Variants in LDLRAD4 observed in about 807,000 individuals in gnomAD.
LDLRAD4 encodes the protein low-density lipoprotein receptor class A domain-containing protein 4.
A neutral mutation model predicts 17.0 loss-of-function variants in LDLRAD4; 5 were observed. The ratio of observed to expected loss-of-function variants is 0.29; its 90% confidence interval spans 0.15 to 0.62. The LOEUF (loss-of-function observed/expected upper bound fraction) is 0.62, where lower values mean the gene tolerates loss of function less well. LDLRAD4 is among the 20% of genes least tolerant of loss of function. The pLI, the probability that LDLRAD4 is intolerant of heterozygous loss-of-function variation, is 0.84. For synonymous variants in LDLRAD4, 168 were observed against 171.8 expected (o/e 0.98, Z 0.17); for missense variants, 340 against 424.7 (o/e 0.80, Z 1.75).
At position 13,367,599 on chromosome 18, in the gene LDLRAD4, A is replaced by C. The variant is rs1484973231; in HGVS notation, c.-382-19742A>C. Among the ~76,000 whole-genome samples the C allele has an allele frequency of 6.6e-6, 1 of 152,124 alleles. No homozygotes were observed. Among genetic ancestry groups the C allele is most frequent in the East Asian group, 1.9e-4 (1 of 5,184 alleles). ...CGAGTGGACAGAGGGTCTGCAGGCC[A>C]CTCAGTGGCTGAGAGGGTGGGCAAG... is the stretch of plus-strand genomic sequence containing the variant. On this transcript the variant is annotated intron_variant, in intron 1 of 5. Coordinates refer to ENST00000359446, the Ensembl canonical transcript of LDLRAD4. This position sits in a 1 kb window ranked among gnomAD's most constrained non-coding sequence, Gnocchi z 4.1.
intron 4 of LDLRAD4, among the ~76,000 whole-genome samples, chr18:13,623,349 A>G (rs1424476673): frequency 6.6e-6 from 1 of 152,232 alleles, no homozygotes; most frequent in Non-Finnish European, 1.5e-5. Context: ...ACAGTGGTCC[A>G]CATCCCTGTC....
chr18:13,553,087 G>T (rs1385692099), intron 3 of LDLRAD4, among the ~76,000 whole-genome samples: 1 of 152,198 alleles, frequency 6.6e-6, no homozygotes, highest in Non-Finnish European at 1.5e-5. Flanking sequence ...TGACATTCTA[G>T]TTGAGACTAA....
intron 1 of LDLRAD4, among the ~76,000 whole-genome samples, chr18:13,242,370 G>A (rs2042704981): frequency 6.6e-6 from 1 of 152,214 alleles, no homozygotes; most frequent in Non-Finnish European, 1.5e-5. Flanking sequence ...CTGGTACTTT[G>A]GTTTCAGGCC....
intron 3 of LDLRAD4, chr18:13,470,961 T>G (rs2092756132): frequency 1.3e-5 from 2 of 151,980 alleles, no homozygotes; most frequent in African/African-American, 4.8e-5. Context: ...TGCATTCACC[T>G]CTCCACGCCC....
intron 1 of LDLRAD4, among the ~76,000 whole-genome samples, chr18:13,359,986 G>A (rs1288966507): frequency 6.6e-6 from 1 of 152,228 alleles, no homozygotes; most frequent in East Asian, 1.9e-4. Flanking sequence ...TTTGGCTTTT[G>A]AAATCAATGT....
intron 1 of LDLRAD4, among the ~76,000 whole-genome samples, chr18:13,252,774 C>A (rs574560317): frequency 1.3e-5 from 2 of 152,236 alleles, no homozygotes; most frequent in African/African-American, 4.8e-5. Context: ...GAACCAGCCT[C>A]ACTTGCCGTC....
chr18:13,365,073 G>A (rs2083956379), intron 1 of LDLRAD4, among the ~76,000 whole-genome samples: 1 of 152,242 alleles, frequency 6.6e-6, no homozygotes, highest in Non-Finnish European at 1.5e-5. Context: ...GACAGTGGGA[G>A]TGATGGAGGG....
At chr18:13,235,641 A>G (rs975256035) in intron 1 of LDLRAD4, among the ~76,000 whole-genome samples, 4 of 152,236 alleles carry the variant, frequency 2.6e-5, no homozygotes, top group East Asian at 1.9e-4. Flanking sequence ...ATTCATTCCT[A>G]TTGATGGCTT....
intron 2 of LDLRAD4, among the ~76,000 whole-genome samples, chr18:13,427,944 A>AAGAACCTCTCC (rs1196337489): frequency 6.6e-6 from 1 of 152,172 alleles, no homozygotes; most frequent in East Asian, 1.9e-4. Context: ...TGGTTCCTAT[A>AAGAACCTCTCC]AGAACCTCTC....
chr18:13,396,839 G>C (rs1463653767), intron 2 of LDLRAD4, among the ~76,000 whole-genome samples: 4 of 152,364 alleles, frequency 2.6e-5, no homozygotes, highest in African/African-American at 9.6e-5. Context: ...TCAGTCTGCA[G>C]TTAGTTGAAT....
intron 1 of LDLRAD4, among the ~76,000 whole-genome samples, chr18:13,328,121 A>G (rs901382450): frequency 1.3e-5 from 2 of 152,152 alleles, no homozygotes; most frequent in African/African-American, 2.4e-5. Flanking sequence ...TTTTGACCAA[A>G]CAACTAACCA....
At chr18:13,586,932 T>C (rs950584850) in intron 3 of LDLRAD4, among the ~76,000 whole-genome samples, 1 of 151,582 alleles carries the variant, frequency 6.6e-6, no homozygotes, top group African/African-American at 2.4e-5. Flanking sequence ...AACATCACAC[T>C]GTATCTACTT....
At chr18:13,507,295 T>C (rs1025328953) in intron 3 of LDLRAD4, among the ~76,000 whole-genome samples, 1 of 152,182 alleles carries the variant, frequency 6.6e-6, no homozygotes, top group Non-Finnish European at 1.5e-5. Context: ...GTACCCGATA[T>C]TTAGTCTTTT....
At chr18:13,305,499 T>G (rs780640908) in intron 1 of LDLRAD4, among the ~76,000 whole-genome samples, 11 of 152,198 alleles carry the variant, frequency 7.2e-5, no homozygotes, top group Non-Finnish European at 1.3e-4. Context: ...AAGGAATCTC[T>G]TGAGGTTCTT....
At chr18:13,228,386 G>A (rs548713317) in intron 1 of LDLRAD4, among the ~76,000 whole-genome samples, 1 of 152,214 alleles carries the variant, frequency 6.6e-6, no homozygotes, top group Non-Finnish European at 1.5e-5. Flanking sequence ...AGAGGGCTTT[G>A]GGTGCCTGAC....
intron 1 of LDLRAD4, among the ~76,000 whole-genome samples, chr18:13,345,431 C>G (rs2082623225): frequency 6.6e-6 from 1 of 152,180 alleles, no homozygotes; most frequent in African/African-American, 2.4e-5. Context: ...AGGGATGAAG[C>G]CCACTTGATC....
chr18:13,579,873 C>T (rs1489921099), intron 3 of LDLRAD4, among the ~76,000 whole-genome samples: 1 of 152,152 alleles, frequency 6.6e-6, no homozygotes, highest in Non-Finnish European at 1.5e-5. Flanking sequence ...CATGCGTTGT[C>T]TGGGGGCCAT....
At chr18:13,309,334 A>G (rs1358869535) in intron 1 of LDLRAD4, among the ~76,000 whole-genome samples, 1 of 152,212 alleles carries the variant, frequency 6.6e-6, no homozygotes. Flanking sequence ...TTGGGAATTC[A>G]TGAGCCGGAT....
At chr18:13,355,816 A>G (rs1439142819) in intron 1 of LDLRAD4, among the ~76,000 whole-genome samples, 1 of 152,172 alleles carries the variant, frequency 6.6e-6, no homozygotes, top group East Asian at 1.9e-4. Flanking sequence ...AAAATTATAG[A>G]GACAGAGTCT....
Sources: gnomAD v4.1 joint callset for allele counts (sites outside exome capture counted in the v4.1 genomes callset) on GRCh38, gnomAD v4.1.1 for gene constraint, Gnocchi (gnomAD v3.1) non-coding constraint, MANE v1.5 for transcripts, NCBI Gene and HGNC (gene_info 2026-07-23, HGNC 2026-07-21) for gene names.